The following IKBKG variants were observed in gnomAD, a reference collection of about 807,000 sequenced individuals.
The protein encoded by IKBKG is NF-kappa-B essential modulator.
Under a neutral mutation model 13.7 loss-of-function variants are expected in IKBKG, and 2 were observed. That is an observed-to-expected ratio of 0.15 (90% CI 0.06 to 0.46). The LOEUF (loss-of-function observed/expected upper bound fraction) is 0.46. IKBKG is among the 20% of genes least tolerant of loss of function. IKBKG has a pLI of 0.98. For synonymous variants in IKBKG, 22 were observed against 64.4 expected (o/e 0.34, Z 3.15); for missense variants, 53 against 150.3 (o/e 0.35, Z 3.39).
At chrX:154,544,621 G>C (rs2070640271), upstream of IKBKG, among the ~76,000 whole-genome samples, 1 of 112,222 alleles carries the variant, frequency 8.9e-6, no homozygotes, top group Non-Finnish European at 1.9e-5. Flanking sequence ...AGGGGACCAG[G>C]CTGGGGCTGG....
intron 2 of IKBKG, among the ~76,000 whole-genome samples, 164 bp from the exon 3 acceptor site, chrX:154,556,001 C>T (rs2071051654): frequency 8.8e-6 from 1 of 113,942 alleles, no homozygotes; most frequent in Admixed American, 9.1e-5. Flanking sequence ...GAGACGCCAT[C>T]CACCCCTGAG....
chrX:154,551,423 G>A (rs2070928814), intron 1 of IKBKG, among the ~76,000 whole-genome samples: 5 of 110,747 alleles, frequency 4.5e-5, no homozygotes, highest in Admixed American at 1.9e-4. Flanking sequence ...TCCCGACATG[G>A]CCTCCTCCCC....
At chrX:154,546,647 G>C, upstream of IKBKG, 1 of 515,065 alleles carries the variant, frequency 1.9e-6, no homozygotes, top group Non-Finnish European at 3.1e-6. Context: ...GAGAGGAGGT[G>C]CGGGGTATAA....
chrX:154,554,283 A>C (rs1451396879), intron 2 of IKBKG, among the ~76,000 whole-genome samples: 1 of 112,597 alleles, frequency 8.9e-6, no homozygotes, highest in Non-Finnish European at 1.9e-5. Context: ...CAATCTGCAG[A>C]GGCAGATGCA....
At chrX:154,552,517 C>T (rs909024580) in intron 2 of IKBKG, among the ~76,000 whole-genome samples, 18 of 109,639 alleles carry the variant, frequency 1.6e-4, no homozygotes, top group Admixed American at 9.7e-5. Flanking sequence ...CATGTCCAGG[C>T]CTCTGTGTCC....
chrX:154,555,326 AG>A (rs1254227478), intron 2 of IKBKG, among the ~76,000 whole-genome samples: 1 of 111,825 alleles, frequency 8.9e-6, no homozygotes, highest in Admixed American at 9.5e-5. Flanking sequence ...GCAGAGATGT[AG>A]GCCAGGGAGG....
intron 1 of IKBKG, among the ~76,000 whole-genome samples, chrX:154,549,583 A>G (rs1180816062): frequency 3.6e-5 from 4 of 111,706 alleles, no homozygotes; most frequent in Non-Finnish European, 3.8e-5. Flanking sequence ...CCTGGCCACC[A>G]CTATTATTTT....
intron 1 of IKBKG, among the ~76,000 whole-genome samples, chrX:154,548,994 CTT>C (rs1329510045): frequency 5.3e-5 from 5 of 94,037 alleles, no homozygotes; most frequent in African/African-American, 7.8e-5. Flanking sequence ...TTCTTTCTTT[CTT>C]TTTTTTTTTT....
At chrX:154,546,420 A>T (rs2148351313), upstream of IKBKG, among the ~76,000 whole-genome samples, 1 of 112,322 alleles carries the variant, frequency 8.9e-6, no homozygotes, top group African/African-American at 3.2e-5. Flanking sequence ...GTGTATTCCG[A>T]CTACAGCATC....
chrX:154,549,902 G>A (rs782694729), intron 1 of IKBKG, among the ~76,000 whole-genome samples: 55 of 112,316 alleles, frequency 4.9e-4, no homozygotes, highest in Non-Finnish European at 9.2e-4. Context: ...GTTATAGCAT[G>A]TGGATGTACT....
chrX:154,547,126 C>A, upstream of IKBKG: 1 of 149,123 alleles, frequency 6.7e-6, no homozygotes, highest in Non-Finnish European at 1.2e-5. Flanking sequence ...GTAGTGCTCC[C>A]GCATCCCCAT....
upstream of IKBKG, chrX:154,542,450 G>T (rs920612647): frequency 1.4e-5 from 17 of 1,176,511 alleles, no homozygotes; most frequent in Middle Eastern, 2.3e-4. Flanking sequence ...CTGGAAGGGG[G>T]CAGTAAGTAC....
upstream of IKBKG, chrX:154,546,217 G>A (rs1557233258): frequency 1.0e-5 from 12 of 1,197,259 alleles, no homozygotes; most frequent in Non-Finnish European, 2.3e-6. Context: ...GCATTGAGAA[G>A]TTAGCCCCTT....
chrX:154,551,052 T>C (rs1279870206), intron 1 of IKBKG, among the ~76,000 whole-genome samples: 1 of 109,754 alleles, frequency 9.1e-6, no homozygotes, highest in Non-Finnish European at 1.9e-5. Context: ...GACCTCATGA[T>C]CCACCCGTGT....
upstream of IKBKG, among the ~76,000 whole-genome samples, chrX:154,542,773 C>T (rs1461209023): frequency 8.9e-6 from 1 of 111,841 alleles, no homozygotes; most frequent in Non-Finnish European, 1.9e-5. Flanking sequence ...TCTCCCGGCC[C>T]TCTTTGTGGG....
chrX:154,546,890 G>T (rs1557233620), upstream of IKBKG: 5 of 999,596 alleles, frequency 5.0e-6, no homozygotes, highest in East Asian at 2.0e-4. Flanking sequence ...GGGGGCGGGG[G>T]CGGGCGCCTG....
chrX:154,545,909 T>G (rs2070696324), upstream of IKBKG: 6 of 797,460 alleles, frequency 7.5e-6, no homozygotes, highest in South Asian at 4.2e-5. Flanking sequence ...CCTGGCGCAC[T>G]AGCAGGAGCG....
chrX:154,544,202 G>A (rs782731332), upstream of IKBKG, among the ~76,000 whole-genome samples: 1 of 103,763 alleles, frequency 9.6e-6, no homozygotes, highest in African/African-American at 3.6e-5. Flanking sequence ...TCGCTCTGTC[G>A]CCAGGCTGGA....
intron 1 of IKBKG, among the ~76,000 whole-genome samples, chrX:154,548,994 CTTTT>C (rs1329510045): frequency 3.2e-5 from 3 of 94,057 alleles, no homozygotes; most frequent in South Asian, 9.3e-4. Context: ...TTCTTTCTTT[CTTTT>C]TTTTTTTTTT....
Sources: gnomAD v4.1 joint callset for allele counts (sites outside exome capture counted in the v4.1 genomes callset) on GRCh38, gnomAD v4.1.1 for gene constraint, MANE v1.5 for transcripts, NCBI Gene and HGNC (gene_info 2026-07-23, HGNC 2026-07-21) for gene names.